Variants in PHF6 observed in about 807,000 individuals in gnomAD.
The protein encoded by PHF6 is PHD finger protein 6.
In PHF6, 7 loss-of-function variants were observed where a neutral mutation model predicts 34.0. The observed-to-expected ratio is 0.21, with a 90% confidence interval of 0.12 to 0.39. The LOEUF (loss-of-function observed/expected upper bound fraction) is 0.39. Among genes scored for constraint, PHF6 ranks in the 10% least tolerant of loss-of-function variants. PHF6 has a pLI of 1.00. For synonymous variants in PHF6, 89 were observed against 88.4 expected (o/e 1.01, Z -0.04); for missense variants, 128 against 262.8 (o/e 0.49, Z 3.55).
chrX:134,419,506 G>A (rs193061454), intron 9 of PHF6: 4 of 111,836 alleles, frequency 3.6e-5, no homozygotes, highest in Admixed American at 2.8e-4. Context: ...ATCAATTTCT[G>A]AATTTTAAAG....
chrX:134,378,439 A>G (rs1254848237), intron 3 of PHF6, among the ~76,000 whole-genome samples: 1 of 112,142 alleles, frequency 8.9e-6, no homozygotes, highest in African/African-American at 3.2e-5. Context: ...TTTATTTTTC[A>G]TAATTCTGAT....
At chrX:134,394,969 C>G (rs2077371415) in intron 5 of PHF6, among the ~76,000 whole-genome samples, 1 of 109,167 alleles carries the variant, frequency 9.2e-6, no homozygotes, top group Admixed American at 9.8e-5. Flanking sequence ...TCTCCTGCCT[C>G]GGCCTCCTGA....
chrX:134,413,548 A>G lies in PHF6; in HGVS notation c.476A>G (p.Lys159Arg), dbSNP rs1416275966. Residue 159 changes from lysine to arginine, a missense_variant, in exon 6 of 11, where the codon AAA becomes AGA. Coordinates refer to ENST00000370803, the MANE Select transcript of PHF6 (RefSeq NM_001015877.2). ...CTGGAGCCCTCATCACCTAAAAGTA[A>G]AAAGAAAAGTCGCAAAGGAAGGCCA... ...HELEPSSPKSKKKSRKGRPRK... is the reference protein window; with the variant it reads ...HELEPSSPKSRKKSRKGRPRK... The G allele has an allele frequency of 1.9e-5, 23 of 1,211,212 alleles. No homozygotes were observed. The highest frequency in any genetic ancestry group is 2.3e-5 in the Non-Finnish European group (21 of 895,385).
intron 5 of PHF6, among the ~76,000 whole-genome samples, chrX:134,410,395 G>A (rs774205175): frequency 1.5e-3 from 162 of 111,516 alleles, no homozygotes; most frequent in Non-Finnish European, 2.1e-3. Flanking sequence ...ACTATTTAAA[G>A]TCTGCTGTTT....
Position 134,413,869 on chromosome X carries a change from A to C in PHF6, c.632A>C (p.Lys211Thr). The C allele has an allele frequency of 8.3e-7, 1 of 1,210,959 alleles. No individual in the cohort carries two copies. The highest frequency in any genetic ancestry group is 1.1e-6 in the Non-Finnish European group (1 of 894,830). Residue 211 changes from lysine to threonine, a missense_variant, in exon 7 of 11, where the codon AAA becomes ACA. By Grantham distance (78) the Lys-to-Thr change is moderately conservative (BLOSUM62 -1). Coordinates refer to ENST00000370803, the MANE Select transcript of PHF6 (RefSeq NM_001015877.2). ...HRSSPSDTRP[K>T]CGFCHVGEEE... ...AGCAGCCCTAGTGACACCAGGCCTA[A>C]ATGTGGATTTTGCCATGTAGGGGAG...
At chrX:134,387,614 A>G (rs763395485) in intron 3 of PHF6, among the ~76,000 whole-genome samples, 2 of 112,066 alleles carry the variant, frequency 1.8e-5, no homozygotes, top group South Asian at 3.7e-4. Flanking sequence ...CAGAAACTCC[A>G]ATAAGATAAT....
At chrX:134,380,863 G>T (rs1288691646) in intron 3 of PHF6, among the ~76,000 whole-genome samples, 1 of 111,389 alleles carries the variant, frequency 9.0e-6, no homozygotes, top group Non-Finnish European at 1.9e-5. Flanking sequence ...GTTTGTTTTT[G>T]TTTTTGAGAT....
chrX:134,386,903 A>T (rs1432709143), intron 3 of PHF6, among the ~76,000 whole-genome samples: 3 of 112,072 alleles, frequency 2.7e-5, no homozygotes, highest in Non-Finnish European at 5.6e-5. Context: ...TATTTACAAA[A>T]AGTTTTTTTG....
At chrX:134,378,858 C>T (rs1414190767) in intron 3 of PHF6, among the ~76,000 whole-genome samples, 2 of 112,285 alleles carry the variant, frequency 1.8e-5, no homozygotes, top group Non-Finnish European at 3.8e-5. Flanking sequence ...GCTGTCTTCC[C>T]GCCTCTGCCT....
chrX:134,402,606 T>C (rs1454096055), intron 5 of PHF6, among the ~76,000 whole-genome samples: 3 of 111,896 alleles, frequency 2.7e-5, no homozygotes, highest in Non-Finnish European at 5.6e-5. Context: ...AAGGATTAAA[T>C]GAAAAATAAT....
In PHF6 at chrX:134,415,128, G is replaced by T. The variant is rs1252506567; in HGVS notation, c.834+8G>T. The T allele has an allele frequency of 1.7e-6, 2 of 1,205,285 alleles. No homozygotes were observed. The highest frequency in any genetic ancestry group is 3.5e-5 in the African/African-American group (2 of 57,135). On this transcript the variant is annotated splice_region_variant and intron_variant, in intron 8 of 10. Transcript: ENST00000370803. ...AAACGAGGAAAAAGAATGGTCTGTA[G>T]TTTTTATATTTGTTATGCAACATTA...
At chrX:134,395,813 C>T (rs745729632) in intron 5 of PHF6, among the ~76,000 whole-genome samples, 6 of 111,657 alleles carry the variant, frequency 5.4e-5, no homozygotes, top group African/African-American at 9.7e-5. Flanking sequence ...AAAATACAGT[C>T]GTTAGCAAAA....
At chrX:134,384,675 G>A (rs768869857) in intron 3 of PHF6, among the ~76,000 whole-genome samples, 5 of 104,996 alleles carry the variant, frequency 4.8e-5, no homozygotes, top group Admixed American at 1.0e-4. Flanking sequence ...TTTTTGAGAC[G>A]GAGTCTTGCT....
chrX:134,382,520 T>C (rs1446575617), intron 3 of PHF6, among the ~76,000 whole-genome samples: 1 of 109,978 alleles, frequency 9.1e-6, no homozygotes, highest in Non-Finnish European at 1.9e-5. Context: ...AGCTAGCTGG[T>C]GAGATTACTA....
At chrX:134,405,017 A>G (rs1198939939) in intron 5 of PHF6, among the ~76,000 whole-genome samples, 1 of 111,512 alleles carries the variant, frequency 9.0e-6, no homozygotes. Flanking sequence ...AACCCACGAT[A>G]TCTTGAAGAT....
intron 5 of PHF6, among the ~76,000 whole-genome samples, chrX:134,396,283 A>G (rs2077377222): frequency 8.9e-6 from 1 of 111,791 alleles, no homozygotes; most frequent in African/African-American, 3.2e-5. Context: ...AAGTATGAGC[A>G]CACTGAGACA....
At chrX:134,398,045 TAGAC>T (rs747775178) in intron 5 of PHF6, among the ~76,000 whole-genome samples, 13 of 111,692 alleles carry the variant, frequency 1.2e-4, no homozygotes, top group South Asian at 3.8e-4. Flanking sequence ...TTTGAAGACT[TAGAC>T]AGGAAGGAAC....
chrX:134,387,259 AT>A (rs1454047459), intron 3 of PHF6, among the ~76,000 whole-genome samples: 2 of 111,736 alleles, frequency 1.8e-5, no homozygotes, highest in East Asian at 5.6e-4. Context: ...TACTGAATAC[AT>A]TTTTTTAATG....
rs760590183 is a variant in PHF6 at position 134,393,542 on chromosome X, T to C, written c.282T>C (p.Cys94=). 2 of 1,210,778 alleles carry C rather than the reference T, an allele frequency of 1.7e-6. No homozygotes were observed. The highest frequency in any genetic ancestry group is 2.2e-6 in the Non-Finnish European group (2 of 894,493). The change falls in exon 4 of 11, where the codon TGT becomes TGC. Residue 94 remains cysteine, a synonymous_variant. Coordinates refer to ENST00000370803, the MANE Select transcript of PHF6 (RefSeq NM_001015877.2). ...ATTGTCCTGGAGCAACAATTGGTTG[T>C]GATGTGAAAACATGTCACAGGACAT... The part of the protein sequence containing the change: ...LCHCPGATIG[C]DVKTCHRTYH...
Sources: allele counts gnomAD v4.1 joint callset (sites outside exome capture counted in the v4.1 genomes callset), GRCh38; gene constraint gnomAD v4.1.1; transcripts MANE v1.5; gene names NCBI Gene and HGNC (gene_info 2026-07-23, HGNC 2026-07-21).